The following CORIN variants were observed in gnomAD, a reference collection of about 807,000 sequenced individuals.
CORIN encodes the protein atrial natriuretic peptide-converting enzyme.
A neutral mutation model predicts 125.3 loss-of-function variants in CORIN; 117 were observed. The observed-to-expected ratio is 0.93, with a 90% CI of 0.80 to 1.09. CORIN has a LOEUF of 1.09. Among genes scored for constraint, CORIN ranks in the 50% least tolerant of loss-of-function variants. The pLI is 0.00. For missense variants in CORIN, 1,253 were observed against 1,306.7 expected (o/e 0.96, Z 0.63); for synonymous variants, 450 against 466.4 (o/e 0.96, Z 0.45).
At chr4:47,721,007 A>G (rs1245281243) in intron 5 of CORIN, among the ~76,000 whole-genome samples, 1 of 152,186 alleles carries the variant, frequency 6.6e-6, no homozygotes, top group Admixed American at 6.5e-5. Flanking sequence ...TCAGGCTGCT[A>G]AAACAGACTA....
At chr4:47,821,086 T>G (rs1359313686) in intron 1 of CORIN, among the ~76,000 whole-genome samples, 1 of 151,896 alleles carries the variant, frequency 6.6e-6, no homozygotes, top group Admixed American at 6.6e-5. Context: ...AATACAAAAA[T>G]TAGCCAGATG....
At chr4:47,653,954 A>G (rs549565896) in intron 12 of CORIN, among the ~76,000 whole-genome samples, 2 of 152,382 alleles carry the variant, frequency 1.3e-5, no homozygotes, top group South Asian at 2.1e-4. Context: ...TGCCTTGTGC[A>G]GTCAGTGCTC....
At chr4:47,605,622 A>C (rs1313791724) in intron 19 of CORIN, among the ~76,000 whole-genome samples, 2 of 152,122 alleles carry the variant, frequency 1.3e-5, no homozygotes, top group African/African-American at 4.8e-5. Flanking sequence ...TGATCAAATC[A>C]ACTAAAGTAG....
chr4:47,700,270 G>T (rs1294336921), intron 5 of CORIN, among the ~76,000 whole-genome samples: 1 of 152,128 alleles, frequency 6.6e-6, no homozygotes, highest in Admixed American at 6.5e-5. Context: ...GTGACTTTTA[G>T]GGGTAGAGGG....
chr4:47,644,650 T>G (rs756570005), intron 14 of CORIN, among the ~76,000 whole-genome samples: 18 of 152,188 alleles, frequency 1.2e-4, no homozygotes, highest in Non-Finnish European at 2.1e-4. Context: ...TTTCTGATCT[T>G]TTTCTATGTG....
chr4:47,721,461 G>T lies in CORIN; in HGVS notation c.799+22941C>A, dbSNP rs574834029. On this transcript the variant is annotated intron_variant, in intron 5 of 21. Transcript: ENST00000273857. ...TTTTTGTATTTTTAGAAGAGATGGG[G>T]TTTTGCCATGTTGGCCAGGCTGGTC... 1.5e-4 allele frequency among the ~76,000 whole-genome samples: 23 copies of T among 152,234 alleles called. No homozygotes were observed. In the South Asian group the frequency reaches 2.5e-3, roughly 16 times the overall value.
At chr4:47,814,272 C>T (rs968658256) in intron 1 of CORIN, among the ~76,000 whole-genome samples, 8 of 152,096 alleles carry the variant, frequency 5.3e-5, no homozygotes, top group African/African-American at 1.9e-4. Context: ...AATATACTCA[C>T]GAATCTAAAG....
At chr4:47,661,476 TAAAAG>T in intron 12 of CORIN, 2 of 457,144 alleles carry the variant, frequency 4.4e-6, no homozygotes, top group Admixed American at 3.7e-5. Flanking sequence ...CCCACAAAAA[TAAAAG>T]AATAGAAATA....
intron 5 of CORIN, among the ~76,000 whole-genome samples, chr4:47,723,499 C>T (rs73144266): frequency 4.4e-4 from 67 of 152,234 alleles, no homozygotes; most frequent in African/African-American, 1.5e-3. Context: ...ACTACAAAGG[C>T]TTTGAAAACT....
In CORIN at chr4:47,632,753, A is replaced by AGATAGATAGATAGATAGAT. The variant is rs535482981; in HGVS notation, c.2199-6233_2199-6232insATCTATCTATCTATCTATC. 2.4e-3 allele frequency among the ~76,000 whole-genome samples: 291 copies of AGATAGATAGATAGATAGAT among 118,818 alleles called. 4 individuals are homozygous for AGATAGATAGATAGATAGAT. Among genetic ancestry groups the AGATAGATAGATAGATAGAT allele is most frequent in the African/African-American group, 9.1e-3 (283 of 31,164 alleles). The allele number at this position is 118,818 out of a possible 152,430, so 77.9% of individuals were successfully genotyped here. A position where few individuals can be genotyped will look rare whatever the true frequency, so the allele number is the denominator to read the frequency against. On this transcript the variant is annotated intron_variant, in intron 16 of 21. Transcript: ENST00000273857. ...TAGATAGATAGATAGATAGATAGAT[A>AGATAGATAGATAGATAGAT]GATAGATAGATAGAGATAGATAGTT... is the stretch of plus-strand genomic sequence containing the variant.
At chr4:47,727,816 A>G (rs181924719) in intron 5 of CORIN, among the ~76,000 whole-genome samples, 62 of 152,300 alleles carry the variant, frequency 4.1e-4, no homozygotes, top group Admixed American at 3.8e-3. Flanking sequence ...TTATTATAAT[A>G]GTCTTTAAAT....
At chr4:47,758,812 G>T (rs181950050) in intron 4 of CORIN, among the ~76,000 whole-genome samples, 3 of 152,316 alleles carry the variant, frequency 2.0e-5, no homozygotes, top group Non-Finnish European at 4.4e-5. Context: ...GCCATCATGT[G>T]AAGAAGGATG....
chr4:47,636,698 C>T (rs1296617591), intron 16 of CORIN, among the ~76,000 whole-genome samples: 1 of 152,198 alleles, frequency 6.6e-6, no homozygotes, highest in African/African-American at 2.4e-5. Flanking sequence ...TGAGATGTGA[C>T]TTGCTCCTTC....
rs139956578 is a variant in CORIN at position 47,645,185 on chromosome 4, T to C, written c.1853A>G (p.Glu618Gly). The change falls in exon 14 of 22, where the codon GAG (glutamate) becomes GGG (glycine). Residue 618 changes from glutamate (E) to glycine (G), a missense_variant. By Grantham distance (98) the Glu-to-Gly change is moderately conservative (BLOSUM62 -2). Transcript: ENST00000273857. ...GGATGGACATTCCCAAAGATCTCTC[T>C]CTTTACAACCTAGAGACAGAAGAAA... is the stretch of plus-strand genomic sequence containing the variant. ...DSDEENCGCK[E>G]RDLWECPSNK... The C allele has an allele frequency of 1.3e-5, 21 of 1,588,614 alleles. No individual in the cohort carries two copies. The Middle Eastern group carries it at 5.0e-4, about 38-fold the overall frequency.
In CORIN at chr4:47,779,105, A is replaced by G. The variant is rs1730418815; in HGVS notation, c.409+7620T>C. ...AACTATAGAAAAAATTAGAAATCAG[A>G]TATTTCCATCAATATAGAGTTGTTA... On this transcript the variant is annotated intron_variant, in intron 3 of 21. Coordinates refer to ENST00000273857, the MANE Select transcript of CORIN (RefSeq NM_006587.4). 2.6e-5 allele frequency among the ~76,000 whole-genome samples: 4 copies of G among 152,254 alleles called. No individual in the cohort carries two copies. The South Asian group carries it at 6.2e-4, about 24-fold the overall frequency.
At chr4:47,814,274 A>G (rs1253834294) in intron 1 of CORIN, among the ~76,000 whole-genome samples, 2 of 152,160 alleles carry the variant, frequency 1.3e-5, no homozygotes, top group Admixed American at 1.3e-4. Flanking sequence ...TATACTCACG[A>G]ATCTAAAGAA....
At chr4:47,752,174 C>T (rs1245234510) in intron 4 of CORIN, among the ~76,000 whole-genome samples, 2 of 152,158 alleles carry the variant, frequency 1.3e-5, no homozygotes, top group African/African-American at 4.8e-5. Flanking sequence ...TTTCACCATA[C>T]TCCCACCCTC....
At chr4:47,777,935 G>T (rs1015827375) in intron 3 of CORIN, among the ~76,000 whole-genome samples, 4 of 152,180 alleles carry the variant, frequency 2.6e-5, no homozygotes, top group Admixed American at 6.5e-5. Flanking sequence ...TCAGGCAAAA[G>T]ATTACATACA....
chr4:47,804,744 G>A (rs866170309), intron 2 of CORIN, among the ~76,000 whole-genome samples: 9 of 131,182 alleles, frequency 6.9e-5, no homozygotes, highest in Admixed American at 5.0e-4. Flanking sequence ...GGAGGGGGGG[G>A]GTTGTTAATG....
Sources: gnomAD v4.1 joint callset for allele counts (sites outside exome capture counted in the v4.1 genomes callset) on GRCh38, gnomAD v4.1.1 for gene constraint, MANE v1.5 for transcripts, NCBI Gene and HGNC (gene_info 2026-07-23, HGNC 2026-07-21) for gene names.